Variants in PTPRO observed in about 807,000 individuals in gnomAD.
The protein encoded by PTPRO is receptor-type tyrosine-protein phosphatase O.
Under a neutral mutation model 145.2 loss-of-function variants are expected in PTPRO, and 62 were observed. That is an observed-to-expected ratio of 0.43 (90% CI 0.35 to 0.53). PTPRO has a LOEUF of 0.53. PTPRO is among the 20% of genes least tolerant of loss of function. The probability of loss-of-function intolerance (pLI) is 0.01; values close to 1 mark genes in which losing one functional copy is unlikely to be tolerated. For missense variants in PTPRO, 1,345 were observed against 1,482.7 expected (o/e 0.91, Z 1.53); for synonymous variants, 565 against 514.7 (o/e 1.10, Z -1.32).
At chr12:15,385,209 A>G (rs1353450492) in intron 1 of PTPRO, among the ~76,000 whole-genome samples, 2 of 152,234 alleles carry the variant, frequency 1.3e-5, no homozygotes, top group African/African-American at 4.8e-5. Context: ...TCCTCCAGAT[A>G]CAAAGTGTGT....
chr12:15,465,855 TAA>T (rs1941403858), intron 1 of PTPRO, among the ~76,000 whole-genome samples: 1 of 152,130 alleles, frequency 6.6e-6, no homozygotes. Flanking sequence ...TTTTGAGTGC[TAA>T]GCTAAGTAAT....
intron 1 of PTPRO, among the ~76,000 whole-genome samples, chr12:15,356,733 A>T (rs1001842655): frequency 1.3e-5 from 2 of 152,200 alleles, no homozygotes; most frequent in African/African-American, 4.8e-5. Flanking sequence ...ATTTCTTTAT[A>T]TGGATGAAAT....
intron 15 of PTPRO, among the ~76,000 whole-genome samples, chr12:15,555,799 C>G (rs764694469): frequency 2.0e-5 from 3 of 151,960 alleles, no homozygotes; most frequent in Non-Finnish European, 4.4e-5. Flanking sequence ...TTTTCTGTGC[C>G]TAAAATAAAA....
chr12:15,352,681 G>A (rs1292237690), intron 1 of PTPRO, among the ~76,000 whole-genome samples: 5 of 147,600 alleles, frequency 3.4e-5, no homozygotes, highest in Admixed American at 2.7e-4. Context: ...AAGAAAGAAA[G>A]AAATGGGAAA....
At chr12:15,462,433 T>C (rs1321810043) in intron 1 of PTPRO, among the ~76,000 whole-genome samples, 1 of 152,178 alleles carries the variant, frequency 6.6e-6, no homozygotes, top group Non-Finnish European at 1.5e-5. Context: ...CCCTTGCTCA[T>C]CTTTTAAGTG....
intron 1 of PTPRO, among the ~76,000 whole-genome samples, chr12:15,431,689 C>T (rs781198204): frequency 2.0e-5 from 3 of 151,998 alleles, no homozygotes; most frequent in Non-Finnish European, 4.4e-5. Context: ...TGGATAACTT[C>T]AAAGTGATTA....
chr12:15,501,943 G>C lies in PTPRO; in HGVS notation c.985G>C (p.Glu329Gln). ...ATACGAAAATAACAGTACACTCAGT[G>C]AGACAGAGAAGTCAACATCAGGCTC... is the stretch of plus-strand genomic sequence containing the variant. The part of the protein sequence containing the change: ...MEYENNSTLS[E>Q]TEKSTSGSFS... Residue 329 changes from glutamate (E) to glutamine (Q), a missense_variant, in exon 5 of 27, where the codon GAG (glutamate) becomes CAG (glutamine). This residue lies in a region of PTPRO where 1,130 missense variants were observed against 1,214.7 expected (regional missense o/e 0.93). Transcript: ENST00000281171. The C allele has an allele frequency of 1.2e-6, 2 of 1,614,016 alleles. No individual in the cohort carries two copies. The highest frequency in any genetic ancestry group is 1.7e-6 in the Non-Finnish European group (2 of 1,179,938).
chr12:15,526,040 G>A (rs1188512374), intron 11 of PTPRO, 102 bp from the exon 12 acceptor site: 6 of 1,409,964 alleles, frequency 4.3e-6, no homozygotes, highest in Non-Finnish European at 6.0e-6. Context: ...CTGCTGCATA[G>A]AACAGAGAGG....
rs75268972 is a variant in PTPRO, at chr12:15,529,853, G to C, written c.2164+3591G>C. Among the ~76,000 whole-genome samples, 206 of 152,290 alleles carry C rather than the reference G, an allele frequency of 1.4e-3. 2 individuals carry two copies. In the East Asian group the frequency reaches 0.038, roughly 28 times the overall value. The stretch of plus-strand genomic sequence containing the variant: ...TCTGAAAACAGGCAACAAAACGGCA[G>C]TAGTAAATCCGTACTTAGCAATAAT... On this transcript the variant is annotated intron_variant, in intron 12 of 26. Transcript: ENST00000281171.
intron 1 of PTPRO, among the ~76,000 whole-genome samples, chr12:15,438,573 C>T (rs1940666111): frequency 6.6e-6 from 1 of 151,666 alleles, no homozygotes; most frequent in Non-Finnish European, 1.5e-5. Context: ...CAAATGAAAT[C>T]TTTATCAATA....
intron 1 of PTPRO, among the ~76,000 whole-genome samples, chr12:15,341,699 T>C (rs1866992548): frequency 6.6e-6 from 1 of 152,220 alleles, no homozygotes; most frequent in Non-Finnish European, 1.5e-5. Context: ...TTCTTGAATG[T>C]GCATATCTTC....
intron 1 of PTPRO, among the ~76,000 whole-genome samples, chr12:15,429,537 A>G (rs889802963): frequency 6.6e-6 from 1 of 152,186 alleles, no homozygotes; most frequent in Non-Finnish European, 1.5e-5. Context: ...GTCACAGGGA[A>G]AAGAATAATA....
At chr12:15,374,017 T>A (rs1938608557) in intron 1 of PTPRO, among the ~76,000 whole-genome samples, 1 of 152,146 alleles carries the variant, frequency 6.6e-6, no homozygotes, top group Admixed American at 6.6e-5. Flanking sequence ...ACAATTGGTT[T>A]AAGAAAAGGA....
intron 1 of PTPRO, among the ~76,000 whole-genome samples, chr12:15,465,239 T>C (rs900422737): frequency 1.3e-5 from 2 of 152,248 alleles, no homozygotes; most frequent in East Asian, 1.9e-4. Flanking sequence ...CCAGCCTTCT[T>C]GTAATTCAAA....
chr12:15,325,779 A>C (rs1866428731), intron 1 of PTPRO, among the ~76,000 whole-genome samples: 1 of 152,188 alleles, frequency 6.6e-6, no homozygotes, highest in Non-Finnish European at 1.5e-5. Context: ...TTTGTCTACT[A>C]AGGTGCAAAT....
At chr12:15,381,487 T>A (rs1480098980) in intron 1 of PTPRO, among the ~76,000 whole-genome samples, 1 of 152,142 alleles carries the variant, frequency 6.6e-6, no homozygotes, top group Non-Finnish European at 1.5e-5. Flanking sequence ...AATGGGCAAA[T>A]GACATTTCTA....
intron 26 of PTPRO, 37 bp downstream of exon 26, chr12:15,595,094 T>A: frequency 7.6e-7 from 1 of 1,312,144 alleles, no homozygotes; most frequent in Non-Finnish European, 1.1e-6. Flanking sequence ...TGCTCAGTCT[T>A]AGAACTATTA....
chr12:15,541,629 T>A (rs1943181769), intron 12 of PTPRO, among the ~76,000 whole-genome samples: 1 of 152,236 alleles, frequency 6.6e-6, no homozygotes, highest in African/African-American at 2.4e-5. Context: ...ATCTCTTTAC[T>A]GTTTATATTT....
chr12:15,357,576 G>T lies in PTPRO; in HGVS notation c.75+34775G>T, dbSNP rs1938036118. On this transcript the variant is annotated intron_variant, in intron 1 of 26. Coordinates refer to ENST00000281171, the MANE Select transcript of PTPRO (RefSeq NM_030667.3). ...CAACCCCATCAAAAAGTGGGCAAAG[G>T]ACATGAACAGACACTTCTCAAAAGA... Among the ~76,000 whole-genome samples, 4 of 151,674 alleles carry T rather than the reference G, an allele frequency of 2.6e-5. No homozygotes were observed. In the South Asian group the frequency reaches 8.4e-4, roughly 32 times the overall value.
Sources: gnomAD v4.1 joint callset for allele counts (sites outside exome capture counted in the v4.1 genomes callset) on GRCh38, gnomAD v4.1.1 for gene constraint, gnomAD v4.1.1 regional missense constraint, MANE v1.5 for transcripts, NCBI Gene and HGNC (gene_info 2026-07-23, HGNC 2026-07-21) for gene names.